Variants in GPR149 observed in about 807,000 individuals in gnomAD.
GPR149 encodes the protein probable G protein-coupled receptor 149.
A neutral mutation model predicts 50.2 loss-of-function variants in GPR149; 50 were observed. The ratio of observed to expected loss-of-function variants is 1.00; its 90% CI spans 0.79 to 1.26. The LOEUF (loss-of-function observed/expected upper bound fraction) is 1.26, where lower values mean the gene tolerates loss of function less well. GPR149 is among the 50% of genes most tolerant of loss of function. The pLI, the probability that GPR149 is intolerant of heterozygous loss-of-function variation, is 0.00. For synonymous variants in GPR149, 405 were observed against 358.2 expected, an observed-to-expected ratio of 1.13 and a Z score of -1.48; for missense variants, 983 against 895.4, an observed-to-expected ratio of 1.10 and a Z score of -1.25.
rs527642811 is a variant in GPR149, at chr3:154,388,313, C to T, written c.1623+32726G>A. On this transcript the variant is annotated intron_variant, in intron 3 of 3. Transcript: ENST00000389740. Reference sequence around the variant, plus strand: ...TCATATATATATACACATATATATACACACACACACACACCCTTATGGACT... The same window carrying T: ...TCATATATATATACACATATATATATACACACACACACACCCTTATGGACT... 3.4e-3 allele frequency among the ~76,000 whole-genome samples: 513 copies of T among 150,952 alleles called. 6 individuals carry two copies. Among genetic ancestry groups the T allele is most frequent in the African/African-American group, 9.7e-3 (401 of 41,240 alleles).
chr3:154,429,524 G>T lies in GPR149; in HGVS notation c.92C>A (p.Thr31Asn). The change falls in exon 1 of 4, where the codon ACC becomes AAC. Residue 31 changes from threonine to asparagine, a missense_variant. Transcript: ENST00000389740. ...CAAGCAAAAAAGATAGATATTCAGG[G>T]TTCCTGGCGGATTTAAAAGGTCCGT... is the stretch of plus-strand genomic sequence containing the variant. Reference protein sequence around the residue: ...NSTDLLNPPGTLNIYLFCLTC... With the variant: ...NSTDLLNPPGNLNIYLFCLTC... The T allele has an allele frequency of 6.2e-7, 1 of 1,614,110 alleles. No individual in the cohort carries two copies. Among genetic ancestry groups the T allele is most frequent in the South Asian group, 1.1e-5 (1 of 91,076 alleles).
chr3:154,406,080 GA>G (rs1279844453), intron 3 of GPR149, among the ~76,000 whole-genome samples: 1 of 151,456 alleles, frequency 6.6e-6, no homozygotes, highest in African/African-American at 2.4e-5. Flanking sequence ...AGAAGATGAA[GA>G]AAAAGAAATC....
intron 3 of GPR149, among the ~76,000 whole-genome samples, chr3:154,350,994 G>A (rs1021310853): frequency 1.3e-5 from 2 of 152,020 alleles, no homozygotes; most frequent in African/African-American, 4.8e-5. Context: ...GTCTGTATGT[G>A]TTTAGTACAG....
intron 3 of GPR149, among the ~76,000 whole-genome samples, chr3:154,387,711 T>C (rs1375176611): frequency 6.6e-6 from 1 of 152,174 alleles, no homozygotes; most frequent in East Asian, 1.9e-4. Flanking sequence ...AGATCACATC[T>C]AAAGAACCAG....
Position 154,421,144 on chromosome 3 carries a change from G to A in GPR149, c.1518C>T (p.Thr506=). 1 of 1,613,316 alleles carries A rather than the reference G, an allele frequency of 6.2e-7. No individual in the cohort carries two copies. Among genetic ancestry groups the A allele is most frequent in the Non-Finnish European group, 8.5e-7 (1 of 1,179,464 alleles). The part of the protein sequence containing the change: ...TGGDINYEET[T]FSEGPERRLS... ...GTCTTCTTTCTGGCCCTTCAGAAAA[G>A]GTAGTTTCTTCATAGTTAATATCAC... Residue 506 remains threonine (T), a synonymous_variant, in exon 3 of 4, where the codon ACC becomes ACT. Transcript: ENST00000389740.
chr3:154,354,387 T>A (rs190906166), intron 3 of GPR149: 1 of 202,414 alleles, frequency 4.9e-6, no homozygotes, highest in East Asian at 1.6e-4. Flanking sequence ...TAGATTCTGC[T>A]TTCTAAGGCT....
intron 3 of GPR149, among the ~76,000 whole-genome samples, chr3:154,413,810 C>A (rs1182776480): frequency 6.6e-6 from 1 of 151,786 alleles, no homozygotes; most frequent in Non-Finnish European, 1.5e-5. Context: ...AAGGTATCTA[C>A]CCAGAGGAAA....
chr3:154,374,169 C>CTTTTTTTTTTTTTTTTT (rs3069044), intron 3 of GPR149, among the ~76,000 whole-genome samples: 7 of 103,170 alleles, frequency 6.8e-5, no homozygotes, highest in Admixed American at 2.3e-4. Context: ...CTTTTCTTTT[C>CTTTTTTTTTTTTTTTTT]TTTTTTTTTT....
chr3:154,389,558 C>T (rs1219312654), intron 3 of GPR149, among the ~76,000 whole-genome samples: 2 of 152,078 alleles, frequency 1.3e-5, no homozygotes, highest in Non-Finnish European at 2.9e-5. Context: ...CCTGGGGCTA[C>T]TGAGAATAAT....
intron 3 of GPR149, among the ~76,000 whole-genome samples, chr3:154,340,417 C>T (rs1471063344): frequency 6.6e-6 from 1 of 152,188 alleles, no homozygotes; most frequent in Non-Finnish European, 1.5e-5. Flanking sequence ...TGAGTGGTGG[C>T]AACTTTTGGC....
At chr3:154,397,038 T>G (rs1235253108) in intron 3 of GPR149, among the ~76,000 whole-genome samples, 1 of 152,094 alleles carries the variant, frequency 6.6e-6, no homozygotes, top group Non-Finnish European at 1.5e-5. Flanking sequence ...CCACTGATTA[T>G]TGTGTCTTTT....
At chr3:154,406,797 A>C (rs1711707779) in intron 3 of GPR149, among the ~76,000 whole-genome samples, 1 of 152,216 alleles carries the variant, frequency 6.6e-6, no homozygotes. Flanking sequence ...AGAAAAATAA[A>C]ATCAGGGAAG....
At chr3:154,418,063 A>C (rs1712035960) in intron 3 of GPR149, among the ~76,000 whole-genome samples, 1 of 150,094 alleles carries the variant, frequency 6.7e-6, no homozygotes, top group African/African-American at 2.5e-5. Flanking sequence ...CACATGAAAA[A>C]ATGCTCATCA....
At chr3:154,390,007 C>T (rs1715131415) in intron 3 of GPR149, among the ~76,000 whole-genome samples, 1 of 152,144 alleles carries the variant, frequency 6.6e-6, no homozygotes, top group Non-Finnish European at 1.5e-5. Context: ...TGTCTCAGAA[C>T]TCTGATAAGA....
intron 3 of GPR149, among the ~76,000 whole-genome samples, chr3:154,342,923 C>T (rs1018617504): frequency 2.6e-5 from 4 of 152,136 alleles, no homozygotes; most frequent in African/African-American, 9.7e-5. Context: ...AATACCAGAA[C>T]ATCATAATGT....
chr3:154,364,014 C>A (rs1051555658), intron 3 of GPR149, among the ~76,000 whole-genome samples: 5 of 152,232 alleles, frequency 3.3e-5, no homozygotes, highest in African/African-American at 1.2e-4. Context: ...CTGTGGGCAG[C>A]AGGAATAAAA....
chr3:154,341,265 G>T (rs1286855221), intron 3 of GPR149, among the ~76,000 whole-genome samples: 2 of 116,762 alleles, frequency 1.7e-5, no homozygotes, highest in East Asian at 2.9e-4. Flanking sequence ...GGTCCTAGCT[G>T]TGCAAAAAAT....
intron 3 of GPR149, among the ~76,000 whole-genome samples, chr3:154,404,384 T>G (rs1022961967): frequency 5.3e-5 from 8 of 152,206 alleles, no homozygotes; most frequent in African/African-American, 1.9e-4. Context: ...CTATTGGTGT[T>G]CTTTATAAGT....
chr3:154,421,548 A>G, intron 2 of GPR149, 61 bp from the exon 3 acceptor site: 1 of 748,706 alleles, frequency 1.3e-6, no homozygotes, highest in Non-Finnish European at 2.0e-6. Flanking sequence ...AACATTGTAT[A>G]TATATAGCAA....
Sources: allele counts gnomAD v4.1 joint callset (sites outside exome capture counted in the v4.1 genomes callset), GRCh38; gene constraint gnomAD v4.1.1; transcripts MANE v1.5; gene names NCBI Gene and HGNC (gene_info 2026-07-23, HGNC 2026-07-21).